CPA6: variants seen among roughly 807,000 people sequenced by gnomAD.
CPA6 encodes the protein carboxypeptidase B.
CPA6 carries 58 observed loss-of-function variants against 63.3 expected under a neutral mutation model. The observed-to-expected ratio is 0.92, with a 90% confidence interval of 0.74 to 1.14. The LOEUF is 1.14. Ranked by LOEUF, CPA6 falls within the 50% of genes most tolerant of loss-of-function variation. The pLI is 0.00. For missense variants in CPA6, 565 were observed against 526.6 expected, an observed-to-expected ratio of 1.07 and a Z score of -0.71; for synonymous variants, 185 against 179.0, an observed-to-expected ratio of 1.03 and a Z score of -0.27.
intron 1 of CPA6, among the ~76,000 whole-genome samples, chr8:67,741,932 CA>C (rs949613366): frequency 9.2e-5 from 14 of 152,114 alleles, no homozygotes; most frequent in African/African-American, 3.1e-4. Flanking sequence ...TCCCTGTTGC[CA>C]AAAAGGTTGG....
At chr8:67,579,461 G>A (rs1813710748) in intron 2 of CPA6, among the ~76,000 whole-genome samples, 1 of 152,156 alleles carries the variant, frequency 6.6e-6, no homozygotes, top group Admixed American at 6.5e-5. Context: ...ATTTTAAAGT[G>A]AAATCCCCCG....
intron 8 of CPA6, 68 bp from the exon 9 acceptor site, chr8:67,434,308 C>T: frequency 1.7e-6 from 2 of 1,204,464 alleles, no homozygotes; most frequent in Middle Eastern, 2.6e-4. Flanking sequence ...CAAATCAGCA[C>T]TGTTAAGCTG....
At chr8:67,435,138 T>G (rs1450969031) in intron 8 of CPA6, among the ~76,000 whole-genome samples, 24 of 152,068 alleles carry the variant, frequency 1.6e-4, no homozygotes, top group Admixed American at 1.5e-3. Flanking sequence ...CCAGCAAATG[T>G]TTTGGAGGTC....
chr8:67,523,788 C>A (rs1304104827), intron 2 of CPA6, among the ~76,000 whole-genome samples: 1 of 152,182 alleles, frequency 6.6e-6, no homozygotes, highest in Non-Finnish European at 1.5e-5. Context: ...CTCTCAGTGT[C>A]CTCCAGAAGC....
At chr8:67,645,201 G>A (rs902829336) in intron 1 of CPA6, among the ~76,000 whole-genome samples, 2 of 152,094 alleles carry the variant, frequency 1.3e-5, no homozygotes, top group Admixed American at 6.6e-5. Context: ...ACATCAGATC[G>A]TAAGGTTAAG....
At chr8:67,528,907 CAGGAGAGACTATTGAAAAGTCTA>C (rs540506844) in intron 2 of CPA6, among the ~76,000 whole-genome samples, 31 of 151,744 alleles carry the variant, frequency 2.0e-4, no homozygotes, top group Admixed American at 9.8e-4. Flanking sequence ...CTGCCAAGGA[CAGGAGAGACTATTGAAAAGTCTA>C]AGGAGAGACT....
chr8:67,463,438 ACTCT>A (rs1265478042), intron 8 of CPA6, among the ~76,000 whole-genome samples: 2 of 149,876 alleles, frequency 1.3e-5, no homozygotes, highest in African/African-American at 2.5e-5. Flanking sequence ...ACTGAAACTC[ACTCT>A]CTCTCTCAAA....
intron 1 of CPA6, among the ~76,000 whole-genome samples, chr8:67,666,038 T>C (rs1180778886): frequency 6.6e-6 from 1 of 152,244 alleles, no homozygotes; most frequent in East Asian, 1.9e-4. Context: ...ATCATTTGCA[T>C]TTCAGAACTA....
At position 67,627,624 on chromosome 8, in the gene CPA6, A is replaced by G. The variant is rs1815222889; in HGVS notation, c.117-3373T>C. Reference sequence around the variant, plus strand: ...AACTTAGCCTATATAAAGGTGTCCAAAGAAAGACAGCATAAGCATTTTTAA... The same window carrying G: ...AACTTAGCCTATATAAAGGTGTCCAGAGAAAGACAGCATAAGCATTTTTAA... On this transcript the variant is annotated intron_variant, in intron 1 of 10. Coordinates refer to ENST00000297770, the MANE Select transcript of CPA6 (RefSeq NM_020361.5). Among the ~76,000 whole-genome samples, 3 of 152,330 alleles carry G rather than the reference A, an allele frequency of 2.0e-5. No individual in the cohort carries two copies. The South Asian group carries it at 6.2e-4, about 32-fold the overall frequency.
chr8:67,439,836 G>A (rs1174451710), intron 8 of CPA6, among the ~76,000 whole-genome samples: 1 of 152,090 alleles, frequency 6.6e-6, no homozygotes, highest in Non-Finnish European at 1.5e-5. Context: ...ATGTTGCCCA[G>A]GCTGGTGTTG....
chr8:67,430,790 C>T lies in CPA6; in HGVS notation c.1042-2659G>A, dbSNP rs182464809. Among the ~76,000 whole-genome samples, 11 of 152,244 alleles carry T rather than the reference C, an allele frequency of 7.2e-5. No homozygotes were observed. The East Asian group carries it at 1.9e-3, about 27-fold the overall frequency. ...CTGCTAGATGCCAGTAGCATCCCCCCACCCTGTTGTGCCAATCAAAAATGT... is the reference window on the plus strand; with the variant it reads ...CTGCTAGATGCCAGTAGCATCCCCCTACCCTGTTGTGCCAATCAAAAATGT... On this transcript the variant is annotated intron_variant, in intron 9 of 10. Transcript: ENST00000297770.
chr8:67,539,821 T>A (rs1179579827), intron 2 of CPA6, among the ~76,000 whole-genome samples: 2 of 152,168 alleles, frequency 1.3e-5, no homozygotes, highest in Non-Finnish European at 2.9e-5. Context: ...CTTCACAAAG[T>A]TCTTGTGCTG....
intron 1 of CPA6, among the ~76,000 whole-genome samples, chr8:67,624,877 CA>C (rs1242534031): frequency 1.3e-5 from 2 of 152,002 alleles, no homozygotes; most frequent in African/African-American, 2.4e-5. Flanking sequence ...CAACTGTTAC[CA>C]AAACACCAGG....
At chr8:67,687,948 T>A (rs1213710059) in intron 1 of CPA6, among the ~76,000 whole-genome samples, 3 of 152,170 alleles carry the variant, frequency 2.0e-5, no homozygotes, top group Non-Finnish European at 4.4e-5. Flanking sequence ...AAATAGATAA[T>A]GGCAGTTACA....
intron 2 of CPA6, among the ~76,000 whole-genome samples, chr8:67,595,293 C>T (rs561261282): frequency 1.3e-5 from 2 of 152,136 alleles, no homozygotes; most frequent in Admixed American, 6.5e-5. Flanking sequence ...TGCCCCTGCT[C>T]GGGGGTGCCT....
intron 2 of CPA6, among the ~76,000 whole-genome samples, chr8:67,587,970 G>C (rs1469552353): frequency 1.3e-5 from 2 of 152,138 alleles, no homozygotes; most frequent in African/African-American, 4.8e-5. Flanking sequence ...TAGGCTAACA[G>C]TTTCAATGAT....
At chr8:67,463,231 G>A (rs1810852627) in intron 8 of CPA6, among the ~76,000 whole-genome samples, 1 of 152,012 alleles carries the variant, frequency 6.6e-6, no homozygotes, top group African/African-American at 2.4e-5. Context: ...ATCACTTGAG[G>A]TCAGGAGTTC....
At chr8:67,469,792 G>C (rs934990358) in intron 8 of CPA6, among the ~76,000 whole-genome samples, 4 of 152,094 alleles carry the variant, frequency 2.6e-5, no homozygotes, top group African/African-American at 9.7e-5. Context: ...TAAACACGCT[G>C]TCTCTCTCTA....
intron 2 of CPA6, among the ~76,000 whole-genome samples, chr8:67,620,583 A>G (rs780052246): frequency 2.0e-5 from 3 of 152,212 alleles, no homozygotes; most frequent in Non-Finnish European, 4.4e-5. Context: ...TTAGCTCCAC[A>G]GGCTGGAAGA....
Sources: allele counts gnomAD v4.1 joint callset (sites outside exome capture counted in the v4.1 genomes callset), GRCh38; gene constraint gnomAD v4.1.1; transcripts MANE v1.5; gene names NCBI Gene and HGNC (gene_info 2026-07-23, HGNC 2026-07-21).